Variants in SUPT20HL1 observed in about 807,000 individuals in gnomAD.
The protein encoded by SUPT20HL1 is SUPT20H like 1.
For missense variants in SUPT20HL1, 277 were observed against 200.3 expected (o/e 1.38, Z -2.31); for synonymous variants, 133 against 79.2 (o/e 1.68, Z -3.61).
Position 24,365,121 on chromosome X carries a change from G to GCAGCCA in SUPT20HL1, c.2373_2378dup (p.Gln792_Pro793dup), listed in dbSNP as rs1183172533. The GCAGCCA allele has an allele frequency of 5.8e-6, 2 of 344,638 alleles. No homozygotes were observed. The highest frequency in any genetic ancestry group is 6.2e-5 in the Admixed American group (2 of 32,434). The allele number at this position is 344,638 out of a possible 1,213,427, so 28.4% of individuals were successfully genotyped here. A position where few individuals can be genotyped will look rare whatever the true frequency, so the allele number is the denominator to read the frequency against. ...AGCTCCCCTCTGTCTTGAGGCAGCA[G>GCAGCCA]CAGCCACAGCCACAGCCGCCGAAGC... On this transcript the variant is annotated inframe_insertion, in exon 1 of 1. Transcript: ENST00000686983.
rs11796308 is a variant in SUPT20HL1 at position 24,364,944 on chromosome X, C to T, written c.2184C>T (p.Ser728=). 67,001 of 384,326 alleles carry T rather than the reference C, an allele frequency of 0.17. 6,557 individuals are homozygous for T. The highest frequency in any genetic ancestry group is 0.55 in the African/African-American group (21,312 of 38,874). The allele number at this position is 384,326 out of a possible 1,213,427, so 31.7% of individuals were successfully genotyped here. Residue 728 remains serine (S), a synonymous_variant, in exon 1 of 1, where the codon TCC becomes TCT. Transcript: ENST00000686983. ...CTCCTCAGCCAGGGCCACAGGGTTC[C>T]GCACTAGGTTTGAGCACGCAAGGGC... is the stretch of plus-strand genomic sequence containing the variant. ...AHPPQPGPQG[S]ALGLSTQGQA... is the part of the protein sequence containing the mutation.
rs905751485 is a variant in SUPT20HL1 at position 24,366,291 on chromosome X, A to T, written c.*867A>T. Among the ~76,000 whole-genome samples, 2 of 112,224 alleles carry T rather than the reference A, an allele frequency of 1.8e-5. No individual in the cohort carries two copies. The highest frequency in any genetic ancestry group is 3.8e-5 in the Non-Finnish European group (2 of 53,261). On this transcript the variant is annotated 3_prime_UTR_variant, in exon 1 of 1. Coordinates refer to ENST00000686983, the MANE Select transcript of SUPT20HL1 (RefSeq NM_001136234.3). Reference sequence around the variant, plus strand: ...TAATCGTATTTAGATTAATAGGTTTATGTACAATATATGGAATGGAATTAT... The same window carrying T: ...TAATCGTATTTAGATTAATAGGTTTTTGTACAATATATGGAATGGAATTAT...
chrX:24,362,836 A>T lies in SUPT20HL1; in HGVS notation c.76A>T (p.Arg26Trp). 1 of 387,097 alleles carries T rather than the reference A, an allele frequency of 2.6e-6. No homozygotes were observed. The highest frequency in any genetic ancestry group is 5.2e-6 in the Non-Finnish European group (1 of 192,513). 31.9% of individuals were successfully genotyped at this position (387,097 alleles called of 1,213,427 possible). The change falls in exon 1 of 1, where the codon AGG becomes TGG. Residue 26 changes from arginine to tryptophan, a missense_variant. By Grantham distance (101) the Arg-to-Trp change is moderately radical (BLOSUM62 -3). Coordinates refer to ENST00000686983, the MANE Select transcript of SUPT20HL1 (RefSeq NM_001136234.3). ...AATTGCCCAACAGAGACCTCCTAGA[A>T]GGAGATACTCACCTAGGGCGGGAAA... is the stretch of plus-strand genomic sequence containing the variant. ...IEIAQQRPPR[R>W]RYSPRAGKTL... is the part of the protein sequence containing the mutation.
In SUPT20HL1 at chrX:24,363,456, C is replaced by T. The variant is rs367916415; in HGVS notation, c.696C>T (p.Thr232=). ...TGTACAACAAGCAAAAGATGAATAC[C>T]GACCCGATGAAACGGTGCCTCCAGA... ...RLLYNKQKMN[T]DPMKRCLQRY... Residue 232 remains threonine, a synonymous_variant, in exon 1 of 1, where the codon ACC becomes ACT. Transcript: ENST00000686983. 31 of 385,309 alleles carry T rather than the reference C, an allele frequency of 8.0e-5. No homozygotes were observed. Among genetic ancestry groups the T allele is most frequent in the African/African-American group, 5.6e-4 (22 of 39,114 alleles). The allele number at this position is 385,309 out of a possible 1,213,427, so 31.8% of individuals were successfully genotyped here.
Position 24,360,685 on chromosome X carries a change from A to C in SUPT20HL1, c.-2076A>C, listed in dbSNP as rs1173062296. On this transcript the variant is annotated 5_prime_UTR_variant, in exon 1 of 1. Coordinates refer to ENST00000686983, the MANE Select transcript of SUPT20HL1 (RefSeq NM_001136234.3). ...TTAATACCTGAAAAAACCTTACATT[A>C]AATTGCCCATTTCACTTGGATGGAA... Among the ~76,000 whole-genome samples the C allele has an allele frequency of 2.7e-5, 3 of 111,749 alleles. No individual in the cohort carries two copies. The highest frequency in any genetic ancestry group is 5.6e-5 in the Non-Finnish European group (3 of 53,132).
Position 24,366,471 on chromosome X carries a change from C to T in SUPT20HL1, c.*1047C>T, listed in dbSNP as rs1363113528. Among the ~76,000 whole-genome samples the T allele has an allele frequency of 8.9e-6, 1 of 112,241 alleles. No homozygotes were observed. The highest frequency in any genetic ancestry group is 3.2e-5 in the African/African-American group (1 of 30,863). On this transcript the variant is annotated 3_prime_UTR_variant, in exon 1 of 1. Coordinates refer to ENST00000686983, the MANE Select transcript of SUPT20HL1 (RefSeq NM_001136234.3). ...CCTGCCCTTTCAAAGGCCCTGTCTG[C>T]ACCTAGTGCTCCACAGAGCAAGGCT...
chrX:24,367,493 T>C lies in SUPT20HL1; in HGVS notation c.*2069T>C, dbSNP rs1468402451. Among the ~76,000 whole-genome samples, 3 of 112,658 alleles carry C rather than the reference T, an allele frequency of 2.7e-5. No individual in the cohort carries two copies. The highest frequency in any genetic ancestry group is 5.6e-5 in the Non-Finnish European group (3 of 53,336). ...CTTACTTGACAAAACCTATTACTAA[T>C]GTGCTACTGATGCTGTTAAAGAAAG... On this transcript the variant is annotated 3_prime_UTR_variant, in exon 1 of 1. Coordinates refer to ENST00000686983, the MANE Select transcript of SUPT20HL1 (RefSeq NM_001136234.3).
At position 24,366,332 on chromosome X, in the gene SUPT20HL1, A is replaced by G. The variant is rs778525583; in HGVS notation, c.*908A>G. Among the ~76,000 whole-genome samples, 3 of 112,120 alleles carry G rather than the reference A, an allele frequency of 2.7e-5. No homozygotes were observed. The East Asian group carries it at 8.4e-4, about 31-fold the overall frequency. ...ATGGAATTATTACACATTCATTTTG[A>G]AAAATGAAATGAAAAAGTACAATAC... On this transcript the variant is annotated 3_prime_UTR_variant, in exon 1 of 1. Coordinates refer to ENST00000686983, the MANE Select transcript of SUPT20HL1 (RefSeq NM_001136234.3).
rs1231235345 is a variant in SUPT20HL1, at chrX:24,365,521, C to T, written c.*97C>T. On this transcript the variant is annotated 3_prime_UTR_variant, in exon 1 of 1. Transcript: ENST00000686983. ...GAGTTTTGTTTTTTTTTTCATGTTT[C>T]GGTATTTTACATTTTAAAGTACACA... 11 of 290,345 alleles carry T rather than the reference C, an allele frequency of 3.8e-5. No homozygotes were observed. Among genetic ancestry groups the T allele is most frequent in the East Asian group, 3.4e-4 (4 of 11,711 alleles). 23.9% of individuals were successfully genotyped at this position (290,345 alleles called of 1,213,427 possible).
At position 24,363,952 on chromosome X, in the gene SUPT20HL1, G is replaced by C. The variant is rs761050808; in HGVS notation, c.1192G>C (p.Glu398Gln). 9.8e-5 allele frequency: 46 copies of C among 470,699 alleles called. No homozygotes were observed. Among genetic ancestry groups the C allele is most frequent in the Non-Finnish European group, 1.7e-4 (42 of 248,819 alleles). 38.8% of individuals were successfully genotyped at this position (470,699 alleles called of 1,213,427 possible). ...TTCAGCTTGTCTCAGGCCTGGGTCA[G>C]AGACTGATGCTGGGAGGGCAGTGAG... ...DHSACLRPGS[E>Q]TDAGRAVSQA... Residue 398 changes from glutamate (E) to glutamine (Q), a missense_variant, in exon 1 of 1, where the codon GAG becomes CAG. Physicochemically the swap from Glu to Gln is conservative, Grantham distance 29. Transcript: ENST00000686983.
In SUPT20HL1 at chrX:24,366,881, A is replaced by C. The variant is rs1224261975; in HGVS notation, c.*1457A>C. Among the ~76,000 whole-genome samples, 1 of 97,656 alleles carries C rather than the reference A, an allele frequency of 1.0e-5. No homozygotes were observed. Among genetic ancestry groups the C allele is most frequent in the Non-Finnish European group, 2.0e-5 (1 of 50,317 alleles). The allele number at this position is 97,656 out of a possible 115,157, so 84.8% of individuals were successfully genotyped here. A position where few individuals can be genotyped will look rare whatever the true frequency, so the allele number is the denominator to read the frequency against. ...AAAGTACAATTGTAAAGTGGCATTT[A>C]GTACATTCATGATGTTGTACAACTA... On this transcript the variant is annotated 3_prime_UTR_variant, in exon 1 of 1. Transcript: ENST00000686983.
In SUPT20HL1 at chrX:24,365,286, G is replaced by A. The variant is rs1939475581; in HGVS notation, c.2526G>A (p.Gln842=). Reference sequence around the variant, plus strand: ...CGCAGCATATCCAGCTCCAGACTCAGCAGTTGAGAGTCCTGCAGCAGCCAG... The same window carrying A: ...CGCAGCATATCCAGCTCCAGACTCAACAGTTGAGAGTCCTGCAGCAGCCAG... ...QQPQHIQLQT[Q]QLRVLQQPVF... Residue 842 remains glutamine, a synonymous_variant, in exon 1 of 1, where the codon CAG becomes CAA. Transcript: ENST00000686983. 2.6e-6 allele frequency: 1 copy of A among 385,308 alleles called. No homozygotes were observed. The highest frequency in any genetic ancestry group is 5.2e-6 in the Non-Finnish European group (1 of 192,232). 31.8% of individuals were successfully genotyped at this position (385,308 alleles called of 1,213,427 possible).
At position 24,366,040 on chromosome X, in the gene SUPT20HL1, T is replaced by C. The variant is rs146730434; in HGVS notation, c.*616T>C. ...GGCAGCCATTGTTCTACTTTCTTTC[T>C]CTATGAGTTGACTACCCTGGCCACT... On this transcript the variant is annotated 3_prime_UTR_variant, in exon 1 of 1. Coordinates refer to ENST00000686983, the MANE Select transcript of SUPT20HL1 (RefSeq NM_001136234.3). Among the ~76,000 whole-genome samples, 46 of 111,543 alleles carry C rather than the reference T, an allele frequency of 4.1e-4. No individual in the cohort carries two copies. Among genetic ancestry groups the C allele is most frequent in the African/African-American group, 1.4e-3 (43 of 30,663 alleles).
Position 24,364,256 on chromosome X carries a change from TTGCTGCTGCTGCTGCTGCTGC to T in SUPT20HL1, c.1531_1551del (p.Ala511_Ala517del), listed in dbSNP as rs35206911. ...CGTCCATTTTCTGCTGCTGCTGCTA[TTGCTGCTGCTGCTGCTGCTGC>T]TGCTGCTGCTGCTGCTGCTGCTGCT... On this transcript the variant is annotated inframe_deletion, in exon 1 of 1. Coordinates refer to ENST00000686983, the MANE Select transcript of SUPT20HL1 (RefSeq NM_001136234.3). 2.9e-4 allele frequency: 236 copies of T among 803,852 alleles called. No homozygotes were observed. Among genetic ancestry groups the T allele is most frequent in the East Asian group, 6.5e-4 (18 of 27,612 alleles). The allele number at this position is 803,852 out of a possible 1,213,427, so 66.2% of individuals were successfully genotyped here.
rs1939435560 is a variant in SUPT20HL1 at position 24,362,562 on chromosome X, C to T, written c.-199C>T. On this transcript the variant is annotated 5_prime_UTR_variant, in exon 1 of 1. Transcript: ENST00000686983. ...GGCCACGACGACGACCCCTCAGGTA[C>T]CCATGTTTTCAGAAACCCTCAAACA... 8.9e-6 allele frequency among the ~76,000 whole-genome samples: 1 copy of T among 112,427 alleles called. No individual in the cohort carries two copies. Among genetic ancestry groups the T allele is most frequent in the Admixed American group, 9.3e-5 (1 of 10,737 alleles).
rs770602391 is a variant in SUPT20HL1, at chrX:24,364,838, C to T, written c.2078C>T (p.Ser693Leu). 119 of 386,828 alleles carry T rather than the reference C, an allele frequency of 3.1e-4. No individual in the cohort carries two copies. The East Asian group carries it at 8.1e-3, about 26-fold the overall frequency. 31.9% of individuals were successfully genotyped at this position (386,828 alleles called of 1,213,427 possible). ...PLTLLQVPQGSAVLTGPQQQS... is the reference protein window; with the variant it reads ...PLTLLQVPQGLAVLTGPQQQS... ...ACACTCCTCCAGGTTCCGCAGGGCTCGGCGGTTCTGACCGGCCCGCAGCAG... is the reference window on the plus strand; with the variant it reads ...ACACTCCTCCAGGTTCCGCAGGGCTTGGCGGTTCTGACCGGCCCGCAGCAG... Residue 693 changes from serine (S) to leucine (L), a missense_variant, in exon 1 of 1, where the codon TCG (serine) becomes TTG (leucine). Transcript: ENST00000686983.
rs779057260 is a variant in SUPT20HL1, at chrX:24,364,259, C to T, written c.1499C>T (p.Ala500Val). ...CCATTTTCTGCTGCTGCTGCTATTG[C>T]TGCTGCTGCTGCTGCTGCTGCTGCT... ...KRPFSAAAAIAAAAAAAAAAA... is the reference protein window; with the variant it reads ...KRPFSAAAAIVAAAAAAAAAA... The change falls in exon 1 of 1, where the codon GCT becomes GTT. Residue 500 changes from alanine to valine, a missense_variant. Coordinates refer to ENST00000686983, the MANE Select transcript of SUPT20HL1 (RefSeq NM_001136234.3). The T allele has an allele frequency of 1.2e-5, 7 of 577,413 alleles. No homozygotes were observed. The East Asian group carries it at 3.4e-4, about 28-fold the overall frequency. 47.6% of individuals were successfully genotyped at this position (577,413 alleles called of 1,213,427 possible). A position where few individuals can be genotyped will look rare whatever the true frequency, so the allele number is the denominator to read the frequency against.
rs140062494 is a variant in SUPT20HL1, at chrX:24,361,353, G to C, written c.-1408G>C. Among the ~76,000 whole-genome samples, 413 of 112,236 alleles carry C rather than the reference G, an allele frequency of 3.7e-3. 2 individuals carry two copies. The highest frequency in any genetic ancestry group is 0.012 in the African/African-American group (380 of 30,891). On this transcript the variant is annotated 5_prime_UTR_variant, in exon 1 of 1. Coordinates refer to ENST00000686983, the MANE Select transcript of SUPT20HL1 (RefSeq NM_001136234.3). The stretch of plus-strand genomic sequence containing the variant: ...GCAGATATACCTCTCTAATAAGTGA[G>C]ATGCACCCTGGGATATCAGCGGAGG...
rs1602065200 is a variant in SUPT20HL1 at position 24,364,270 on chromosome X, G to A, written c.1510G>A (p.Ala504Thr). ...SAAAAIAAAA[A>T]AAAAAAAAAA... Reference sequence around the variant, plus strand: ...TGCTGCTGCTATTGCTGCTGCTGCTGCTGCTGCTGCTGCTGCTGCTGCTGC... The same window carrying A: ...TGCTGCTGCTATTGCTGCTGCTGCTACTGCTGCTGCTGCTGCTGCTGCTGC... The change falls in exon 1 of 1, where the codon GCT (alanine) becomes ACT (threonine). Residue 504 changes from alanine (A) to threonine (T), a missense_variant. Physicochemically the swap from Ala to Thr is moderately conservative, Grantham distance 58. Coordinates refer to ENST00000686983, the MANE Select transcript of SUPT20HL1 (RefSeq NM_001136234.3). 1 of 898,341 alleles carries A rather than the reference G, an allele frequency of 1.1e-6. No individual in the cohort carries two copies. The highest frequency in any genetic ancestry group is 1.6e-6 in the Non-Finnish European group (1 of 641,308). The allele number at this position is 898,341 out of a possible 1,213,427, so 74.0% of individuals were successfully genotyped here. A position where few individuals can be genotyped will look rare whatever the true frequency, so the allele number is the denominator to read the frequency against.
Sources: allele counts gnomAD v4.1 joint callset (sites outside exome capture counted in the v4.1 genomes callset), GRCh38; gene constraint gnomAD v4.1.1; transcripts MANE v1.5; gene names NCBI Gene and HGNC (gene_info 2026-07-23, HGNC 2026-07-21).